The following EDA variants were observed in gnomAD, a reference collection of about 807,000 sequenced individuals.
EDA encodes the protein ectodysplasin A.
In EDA, 2 loss-of-function variants were observed where a neutral mutation model predicts 23.6. The ratio of observed to expected loss-of-function variants is 0.08; its 90% CI spans 0.03 to 0.27. The LOEUF (loss-of-function observed/expected upper bound fraction) is 0.27, where lower values mean the gene tolerates loss of function less well. Ranked by LOEUF, EDA falls within the 10% of genes least tolerant of loss-of-function variation. The pLI is 1.00. For missense variants in EDA, 229 were observed against 324.2 expected (o/e 0.71, Z 2.26); for synonymous variants, 131 against 132.0 (o/e 0.99, Z 0.05).
At chrX:69,744,516 C>T (rs781600214) in intron 1 of EDA, among the ~76,000 whole-genome samples, 13 of 111,947 alleles carry the variant, frequency 1.2e-4, no homozygotes, top group Admixed American at 7.6e-4. Flanking sequence ...AAGATACTAC[C>T]GTGTATCTTT....
intron 1 of EDA, among the ~76,000 whole-genome samples, chrX:69,650,869 G>C (rs980859907): frequency 1.8e-5 from 2 of 111,023 alleles, no homozygotes; most frequent in Non-Finnish European, 3.8e-5. Flanking sequence ...CGTTGGGAGG[G>C]GGGCACATAC....
chrX:69,793,126 C>A (rs2015448742), intron 1 of EDA, among the ~76,000 whole-genome samples: 1 of 112,023 alleles, frequency 8.9e-6, no homozygotes, highest in Admixed American at 9.5e-5. Flanking sequence ...TTTTATCCAT[C>A]TTGAGTTGAT....
chrX:69,814,312 G>A (rs779323631), intron 1 of EDA, among the ~76,000 whole-genome samples: 1 of 112,060 alleles, frequency 8.9e-6, no homozygotes, highest in South Asian at 3.7e-4. Flanking sequence ...ACTACCTCAG[G>A]GACTATTTCC....
intron 1 of EDA, among the ~76,000 whole-genome samples, chrX:69,764,166 G>A (rs2014394672): frequency 9.5e-6 from 1 of 104,949 alleles, no homozygotes; most frequent in African/African-American, 3.5e-5. Flanking sequence ...CTTGCTCATT[G>A]ATCTCTTATC....
intron 1 of EDA, among the ~76,000 whole-genome samples, chrX:69,817,368 A>G (rs1465663595): frequency 8.9e-6 from 1 of 111,769 alleles, no homozygotes; most frequent in Non-Finnish European, 1.9e-5. Context: ...CACACATAAC[A>G]ATAATAACCT....
intron 1 of EDA, among the ~76,000 whole-genome samples, chrX:69,682,170 C>G (rs1253325922): frequency 1.8e-5 from 2 of 112,484 alleles, no homozygotes; most frequent in Admixed American, 9.4e-5. Flanking sequence ...TGGAGGCAGT[C>G]TGCCTGTTCT....
chrX:70,037,939 GCCAA>G lies in EDA; in HGVS notation c.*2334_*2337del. On this transcript the variant is annotated 3_prime_UTR_variant, in exon 8 of 8. Coordinates refer to ENST00000374552, the MANE Select transcript of EDA (RefSeq NM_001399.5). ...GTTCTTTCACCCATCCTAGGAACCAGCCAACCATCATGTGTAGAGCCCCTACTGT... is the reference window on the plus strand; with the variant it reads ...GTTCTTTCACCCATCCTAGGAACCAGCCATCATGTGTAGAGCCCCTACTGT... 1 of 111,464 alleles carries G rather than the reference GCCAA, an allele frequency of 9.0e-6. No homozygotes were observed. 9.2% of individuals were successfully genotyped at this position (111,464 alleles called of 1,213,427 possible). A position where few individuals can be genotyped will look rare whatever the true frequency, so the allele number is the denominator to read the frequency against.
At chrX:69,617,540 G>A (rs778733210) in intron 1 of EDA, among the ~76,000 whole-genome samples, 1 of 110,641 alleles carries the variant, frequency 9.0e-6, no homozygotes, top group Non-Finnish European at 1.9e-5. Flanking sequence ...TCTTTATGGT[G>A]TTTGTGCCCT....
chrX:69,774,728 C>T (rs2014731756), intron 1 of EDA, among the ~76,000 whole-genome samples: 1 of 111,312 alleles, frequency 9.0e-6, no homozygotes, highest in African/African-American at 3.3e-5. Flanking sequence ...CTTGCACAGG[C>T]TTAAATTCTT....
At position 69,616,175 on chromosome X, in the gene EDA, C is replaced by A; in HGVS notation, c.-134C>A. On this transcript the variant is annotated 5_prime_UTR_variant, in exon 1 of 8. Transcript: ENST00000374552. ...CTGCTCCCTGCTCCGTCCCGCCCAG[C>A]CACTGTCGCGCAGGAACGGGTCCCT... is the stretch of plus-strand genomic sequence containing the variant. 1.3e-6 allele frequency: 1 copy of A among 752,638 alleles called. No individual in the cohort carries two copies. The highest frequency in any genetic ancestry group is 1.9e-6 in the Non-Finnish European group (1 of 524,248). 62.0% of individuals were successfully genotyped at this position (752,638 alleles called of 1,213,427 possible). A position where few individuals can be genotyped will look rare whatever the true frequency, so the allele number is the denominator to read the frequency against.
intron 1 of EDA, chrX:69,729,065 CTGAG>C (rs1602342474): frequency 9.0e-6 from 1 of 111,551 alleles, no homozygotes; most frequent in Non-Finnish European, 1.9e-5. Flanking sequence ...GTAACTGTAT[CTGAG>C]TGAGTATCTT....
chrX:69,832,443 T>C (rs1357994168), intron 1 of EDA, among the ~76,000 whole-genome samples: 1 of 111,973 alleles, frequency 8.9e-6, no homozygotes, highest in African/African-American at 3.2e-5. Context: ...ACTGTAGCCT[T>C]GTAGTATAGT....
At chrX:69,816,170 C>A (rs1298288216) in intron 1 of EDA, among the ~76,000 whole-genome samples, 1 of 111,330 alleles carries the variant, frequency 9.0e-6, no homozygotes, top group African/African-American at 3.3e-5. Context: ...ACAAAAAGGA[C>A]CCCACAAAAA....
At chrX:70,021,280 AG>A (rs2020030268) in intron 2 of EDA, among the ~76,000 whole-genome samples, 1 of 112,024 alleles carries the variant, frequency 8.9e-6, no homozygotes, top group Admixed American at 9.5e-5. Flanking sequence ...ATTTCTTCAA[AG>A]TCTGCTTTTG....
intron 2 of EDA, among the ~76,000 whole-genome samples, chrX:69,966,765 ATAT>A (rs1391844284): frequency 9.1e-6 from 1 of 109,816 alleles, no homozygotes; most frequent in African/African-American, 3.3e-5. Context: ...AATAATGGTA[ATAT>A]TATTACTATT....
chrX:69,947,514 C>G (rs1488900235), intron 1 of EDA, among the ~76,000 whole-genome samples: 2 of 112,029 alleles, frequency 1.8e-5, no homozygotes, highest in African/African-American at 6.5e-5. Flanking sequence ...TATAATACAC[C>G]TTTAGAGTAT....
chrX:69,760,443 C>T (rs1188104543), intron 1 of EDA, among the ~76,000 whole-genome samples: 1 of 111,641 alleles, frequency 9.0e-6, no homozygotes, highest in African/African-American at 3.3e-5. Flanking sequence ...ATTTTCCTTA[C>T]AGTTGAACTA....
chrX:69,915,591 G>GAA lies in EDA; in HGVS notation c.397-41425_397-41424dup, dbSNP rs11435265. Among the ~76,000 whole-genome samples the GAA allele has an allele frequency of 6.4e-4, 62 of 96,694 alleles. 1 individual carries two copies. The highest frequency in any genetic ancestry group is 5.3e-3 in the Middle Eastern group (1 of 189). The allele number at this position is 96,694 out of a possible 115,157, so 84.0% of individuals were successfully genotyped here. Reference sequence around the variant, plus strand: ...GCAATCCAGCCTGGGCAACAAGAGCGAAAAAAAAAAAAGCATCATGACAGG... The same window carrying GAA: ...GCAATCCAGCCTGGGCAACAAGAGCGAAAAAAAAAAAAAAGCATCATGACAGG... On this transcript the variant is annotated intron_variant, in intron 1 of 7. Coordinates refer to ENST00000374552, the MANE Select transcript of EDA (RefSeq NM_001399.5).
chrX:69,699,539 G>A (rs1481661547), intron 1 of EDA, among the ~76,000 whole-genome samples: 2 of 111,457 alleles, frequency 1.8e-5, no homozygotes, highest in African/African-American at 6.5e-5. Flanking sequence ...AGGTTGGCAT[G>A]GAGAGATGGT....
Sources: allele counts gnomAD v4.1 joint callset (sites outside exome capture counted in the v4.1 genomes callset), GRCh38; gene constraint gnomAD v4.1.1; transcripts MANE v1.5; gene names NCBI Gene and HGNC (gene_info 2026-07-23, HGNC 2026-07-21).